TOX2: variants seen among roughly 807,000 people sequenced by gnomAD.
TOX2 encodes granulosa cell HMG box 1.
Under a neutral mutation model 47.4 loss-of-function variants are expected in TOX2, and 15 were observed. That is an observed-to-expected ratio of 0.32 (90% CI 0.21 to 0.49). The LOEUF (loss-of-function observed/expected upper bound fraction) is 0.49. TOX2 is among the 20% of genes least tolerant of loss of function. The probability of loss-of-function intolerance (pLI) is 0.99; values close to 1 mark genes in which losing one functional copy is unlikely to be tolerated. For synonymous variants in TOX2, 290 were observed against 296.6 expected (o/e 0.98, Z 0.23); for missense variants, 622 against 673.1 (o/e 0.92, Z 0.84).
intron 3 of TOX2, among the ~76,000 whole-genome samples, chr20:44,024,025 T>C (rs1482304385): frequency 1.3e-5 from 2 of 152,240 alleles, no homozygotes; most frequent in African/African-American, 4.8e-5. Flanking sequence ...TACTTCTGTA[T>C]TGAGGTTCCA....
chr20:44,055,396 G>A (rs926223501), intron 5 of TOX2, among the ~76,000 whole-genome samples: 1 of 152,224 alleles, frequency 6.6e-6, no homozygotes, highest in African/African-American at 2.4e-5. Flanking sequence ...TGAAGTGTGA[G>A]TTCTCTTTGG....
chr20:44,042,915 A>G (rs1569127433), intron 3 of TOX2, among the ~76,000 whole-genome samples: 1 of 152,190 alleles, frequency 6.6e-6, no homozygotes, highest in Non-Finnish European at 1.5e-5. Context: ...TGTCCTGGCT[A>G]GTGCCTGGGG....
chr20:44,053,684 C>A (rs986430357), intron 4 of TOX2, among the ~76,000 whole-genome samples: 1 of 151,812 alleles, frequency 6.6e-6, no homozygotes, highest in Non-Finnish European at 1.5e-5. Context: ...AATAGGCCCC[C>A]AAATAACTGC....
At chr20:44,059,437 TATATTTGAGGGA>T (rs2071677895) in intron 5 of TOX2, among the ~76,000 whole-genome samples, 1 of 152,070 alleles carries the variant, frequency 6.6e-6, no homozygotes, top group Non-Finnish European at 1.5e-5. Context: ...GTTTGGAAAA[TATATTTGAGGGA>T]ATAATTGAGG....
At chr20:44,047,063 CAG>C (rs1555845812) in intron 3 of TOX2, among the ~76,000 whole-genome samples, 5 of 152,246 alleles carry the variant, frequency 3.3e-5, no homozygotes, top group Non-Finnish European at 5.9e-5. Context: ...ACTTTAGGGT[CAG>C]AGAGAAAATA....
rs2069572683 is a variant in TOX2, at chr20:43,951,707, G to GTTTTTTTTTTTTTTTTTTTTGTTT, written c.100-21640_100-21639insGTTTTTTTTTTTTTTTTTTTTTTT. ...TGACCATTACTATTAAACTTATTAT[G>GTTTTTTTTTTTTTTTTTTTTGTTT]TTTTTTTTTTTTTTTTTTTTTAGAG... On this transcript the variant is annotated intron_variant, in intron 1 of 8. Coordinates refer to ENST00000341197, the MANE Select transcript of TOX2 (RefSeq NM_001098797.2). 3.6e-5 allele frequency among the ~76,000 whole-genome samples: 2 copies of GTTTTTTTTTTTTTTTTTTTTGTTT among 55,098 alleles called. 1 individual carries two copies. The highest frequency in any genetic ancestry group is 7.8e-5 in the Non-Finnish European group (2 of 25,576). 36.1% of individuals were successfully genotyped at this position (55,098 alleles called of 152,430 possible).
Position 44,051,431 on chromosome 20 carries a change from G to C in TOX2, c.537G>C (p.Gln179His). 6.2e-7 allele frequency: 1 copy of C among 1,614,112 alleles called. No individual in the cohort carries two copies. Among genetic ancestry groups the C allele is most frequent in the Non-Finnish European group, 8.5e-7 (1 of 1,180,006 alleles). Reference sequence around the variant, plus strand: ...TCAGCCAGTCCCAGCTCATCTCGCAGATGGGCATCCGGAGCAGCATCGCCC... The same window carrying C: ...TCAGCCAGTCCCAGCTCATCTCGCACATGGGCATCCGGAGCAGCATCGCCC... ...SALSQSQLIS[Q>H]MGIRSSIAHS... Residue 179 changes from glutamine to histidine, a missense_variant, in exon 4 of 9, where the codon CAG becomes CAC. By Grantham distance (24) the Gln-to-His change is conservative (BLOSUM62 0). Around this residue, in one of 3 missense-constraint regions of TOX2, gnomAD observed 307 missense variants for 327.3 expected, o/e 0.94. Transcript: ENST00000341197.
chr20:44,050,055 C>A (rs972438510), intron 3 of TOX2, among the ~76,000 whole-genome samples: 2 of 152,208 alleles, frequency 1.3e-5, no homozygotes, highest in Non-Finnish European at 2.9e-5. Context: ...TCTTGAACAA[C>A]TCTTGGATCA....
intron 2 of TOX2, among the ~76,000 whole-genome samples, chr20:44,001,718 C>G (rs6073278): frequency 0.69 from 104,746 of 151,998 alleles, 36,488 homozygotes; most frequent in African/African-American, 0.77. Context: ...CCTATTTTAA[C>G]AGTGCTGAGG....
intron 2 of TOX2, among the ~76,000 whole-genome samples, chr20:43,995,146 G>A (rs2070449170): frequency 1.3e-5 from 2 of 152,106 alleles, no homozygotes; most frequent in Non-Finnish European, 1.5e-5. Flanking sequence ...TTTAGTCCAG[G>A]AAAATGACAG....
chr20:44,021,687 G>A (rs904034131), intron 3 of TOX2, among the ~76,000 whole-genome samples: 18 of 152,014 alleles, frequency 1.2e-4, no homozygotes, highest in Non-Finnish European at 2.4e-4. Flanking sequence ...GGAGTGCAGC[G>A]GTGCAATCAT....
intron 3 of TOX2, among the ~76,000 whole-genome samples, chr20:44,034,927 C>T (rs554228231): frequency 1.3e-5 from 2 of 152,360 alleles, no homozygotes; most frequent in East Asian, 3.9e-4. Context: ...CTCAATCCTG[C>T]TCCTCCTTCT....
chr20:43,995,293 A>T (rs1235845180), intron 2 of TOX2, among the ~76,000 whole-genome samples: 2 of 152,140 alleles, frequency 1.3e-5, no homozygotes, highest in African/African-American at 4.8e-5. Flanking sequence ...ATCTGAGATG[A>T]TTAATTTGAC....
chr20:44,015,797 C>T (rs1281525660), intron 3 of TOX2, among the ~76,000 whole-genome samples: 3 of 152,114 alleles, frequency 2.0e-5, no homozygotes, highest in Admixed American at 6.5e-5. Flanking sequence ...CGTAAACCCC[C>T]CATCCCATCC....
intron 1 of TOX2, chr20:43,945,814 T>A: frequency 6.7e-7 from 1 of 1,498,376 alleles, no homozygotes; most frequent in African/African-American, 1.4e-5. Context: ...GGATGGGGGG[T>A]GGGGGTGCTG....
chr20:43,920,763 G>C (rs2069104700), intron 1 of TOX2, among the ~76,000 whole-genome samples: 1 of 152,154 alleles, frequency 6.6e-6, no homozygotes, highest in East Asian at 1.9e-4. Flanking sequence ...GTGACCATCA[G>C]CCTAGAGGGA....
At chr20:44,025,811 G>A (rs141860846) in intron 3 of TOX2, among the ~76,000 whole-genome samples, 55 of 151,808 alleles carry the variant, frequency 3.6e-4, no homozygotes, top group African/African-American at 1.3e-3. Flanking sequence ...GCTCTATCCT[G>A]GGCAATCTTC....
At chr20:43,978,111 C>T (rs1046790436) in intron 2 of TOX2, among the ~76,000 whole-genome samples, 1 of 152,208 alleles carries the variant, frequency 6.6e-6, no homozygotes, top group African/African-American at 2.4e-5. Context: ...TGCTGCCTCA[C>T]CAGAGTCCTG....
intron 1 of TOX2, among the ~76,000 whole-genome samples, chr20:43,933,482 G>A (rs1008887163): frequency 1.4e-5 from 2 of 147,402 alleles, no homozygotes; most frequent in African/African-American, 4.9e-5. Flanking sequence ...TTTCTAACAA[G>A]GGCTAGATGT....
Sources: allele counts gnomAD v4.1 joint callset (sites outside exome capture counted in the v4.1 genomes callset), GRCh38; gene constraint gnomAD v4.1.1; regional missense constraint gnomAD v4.1.1; transcripts MANE v1.5; gene names NCBI Gene and HGNC (gene_info 2026-07-23, HGNC 2026-07-21).